KDELR2: variants seen among roughly 807,000 people sequenced by gnomAD.
The protein encoded by KDELR2 is KDEL endoplasmic reticulum protein retention receptor 2.
KDELR2 carries 15 observed loss-of-function variants against 23.9 expected under a neutral mutation model. That is an observed-to-expected ratio of 0.63 (90% CI 0.42 to 0.97). The LOEUF (loss-of-function observed/expected upper bound fraction) is 0.97. KDELR2 is among the 50% of genes least tolerant of loss of function. The pLI is 0.00. For synonymous variants in KDELR2, 119 were observed against 106.2 expected (o/e 1.12, Z -0.74); for missense variants, 272 against 254.6 (o/e 1.07, Z -0.46).
At chr7:6,482,592 G>GCAGA (rs1562504118) in intron 1 of KDELR2, 1 of 470,316 alleles carries the variant, frequency 2.1e-6, no homozygotes, top group African/African-American at 2.0e-5. Flanking sequence ...GGCGAGGCCT[G>GCAGA]CAGACAGCAG....
At chr7:6,468,666 C>G (rs1583316745) in intron 3 of KDELR2, among the ~76,000 whole-genome samples, 2 of 152,076 alleles carry the variant, frequency 1.3e-5, no homozygotes, top group South Asian at 4.2e-4. Flanking sequence ...CCACCACGCC[C>G]AGCTAGTTTT....
intron 3 of KDELR2, among the ~76,000 whole-genome samples, chr7:6,467,469 G>T (rs1007745705): frequency 6.6e-6 from 1 of 152,102 alleles, no homozygotes; most frequent in Non-Finnish European, 1.5e-5. Context: ...TATTTTAAAA[G>T]TCCAGGCATG....
At chr7:6,480,609 A>G (rs1226416813) in intron 1 of KDELR2, among the ~76,000 whole-genome samples, 1 of 152,188 alleles carries the variant, frequency 6.6e-6, no homozygotes, top group African/African-American at 2.4e-5. Flanking sequence ...CTTATGGGGT[A>G]AAAAGCACCA....
At chr7:6,479,010 G>C (rs1015116465) in intron 1 of KDELR2, among the ~76,000 whole-genome samples, 1 of 152,012 alleles carries the variant, frequency 6.6e-6, no homozygotes, top group Admixed American at 6.6e-5. Flanking sequence ...AGCTGGTCTT[G>C]AACTCCTGAC....
intron 3 of KDELR2, 81 bp from the exon 4 acceptor site, chr7:6,466,404 C>T: frequency 1.3e-6 from 2 of 1,541,238 alleles, no homozygotes; most frequent in Non-Finnish European, 1.8e-6. Context: ...TTCTTTACCA[C>T]AAAGCAGCCT....
At chr7:6,478,264 T>C (rs948361935) in intron 1 of KDELR2, among the ~76,000 whole-genome samples, 1 of 151,916 alleles carries the variant, frequency 6.6e-6, no homozygotes, top group African/African-American at 2.4e-5. Context: ...TCTCCCTCCT[T>C]AGCCACCTGA....
At chr7:6,472,337 G>A (rs79087570) in intron 2 of KDELR2, among the ~76,000 whole-genome samples, 1,696 of 152,244 alleles carry the variant, frequency 0.011, 36 homozygotes, top group African/African-American at 0.038. Context: ...AAGAACAGCT[G>A]CTTCTCTCCT....
intron 1 of KDELR2, among the ~76,000 whole-genome samples, 180 bp from the exon 2 acceptor site, chr7:6,474,464 C>T (rs1326688284): frequency 6.6e-6 from 1 of 152,148 alleles, no homozygotes; most frequent in East Asian, 1.9e-4. Flanking sequence ...CATTCCCAAA[C>T]ATGCTCCTTT....
chr7:6,472,207 C>T (rs1049146830), intron 2 of KDELR2, among the ~76,000 whole-genome samples: 20 of 152,328 alleles, frequency 1.3e-4, no homozygotes, highest in African/African-American at 4.6e-4. Flanking sequence ...GCCCCCTCAG[C>T]GCATCTAGCC....
At chr7:6,474,753 T>C (rs1349491703) in intron 1 of KDELR2, among the ~76,000 whole-genome samples, 1 of 152,202 alleles carries the variant, frequency 6.6e-6, no homozygotes, top group Non-Finnish European at 1.5e-5. Flanking sequence ...AGCCTTGACC[T>C]CCTGGGCTTC....
intron 1 of KDELR2, among the ~76,000 whole-genome samples, chr7:6,477,493 T>A (rs1461383866): frequency 6.6e-6 from 1 of 152,200 alleles, no homozygotes; most frequent in Non-Finnish European, 1.5e-5. Context: ...GGTTACCAGG[T>A]AATAAGATCT....
intron 4 of KDELR2, among the ~76,000 whole-genome samples, chr7:6,465,166 C>T (rs979912572): frequency 6.6e-6 from 1 of 150,728 alleles, no homozygotes; most frequent in African/African-American, 2.4e-5. Context: ...CATTTGGGTG[C>T]ATTTGCGTAA....
At chr7:6,465,404 C>T (rs187679252) in intron 4 of KDELR2, among the ~76,000 whole-genome samples, 96 of 151,044 alleles carry the variant, frequency 6.4e-4, no homozygotes, top group African/African-American at 2.1e-3. Flanking sequence ...AGGATGGTCT[C>T]GATCTCCTGA....
At chr7:6,463,208 A>G (rs1785426106) in intron 4 of KDELR2, 33 bp from the exon 5 acceptor site, 3 of 1,575,346 alleles carry the variant, frequency 1.9e-6, no homozygotes, top group Admixed American at 1.8e-5. Flanking sequence ...AGAAAACAAA[A>G]GGTTACTGAT....
chr7:6,469,303 T>C (rs1785575477), intron 3 of KDELR2, among the ~76,000 whole-genome samples: 1 of 152,062 alleles, frequency 6.6e-6, no homozygotes, highest in Non-Finnish European at 1.5e-5. Context: ...TCACCCAGGC[T>C]GGAGTACAAT....
intron 4 of KDELR2, among the ~76,000 whole-genome samples, chr7:6,463,601 G>A (rs781602651): frequency 1.8e-4 from 27 of 151,936 alleles, no homozygotes; most frequent in Non-Finnish European, 2.6e-4. Flanking sequence ...AGAACCAGGT[G>A]TGGTGGCATG....
chr7:6,468,037 G>A (rs371721375), intron 3 of KDELR2, among the ~76,000 whole-genome samples: 4 of 152,188 alleles, frequency 2.6e-5, no homozygotes, highest in African/African-American at 4.8e-5. Flanking sequence ...CTACAGGAGG[G>A]AGACCTTGTT....
At chr7:6,468,796 G>A (rs1048285139) in intron 3 of KDELR2, among the ~76,000 whole-genome samples, 6 of 151,988 alleles carry the variant, frequency 3.9e-5, no homozygotes, top group African/African-American at 9.7e-5. Flanking sequence ...GAGCCACTGC[G>A]CATGGCCAGT....
rs1288648185 is a variant in KDELR2 at position 6,462,866 on chromosome 7, C to G, written c.*275G>C. The G allele has an allele frequency of 9.8e-7, 1 of 1,023,378 alleles. No individual in the cohort carries two copies. Among genetic ancestry groups the G allele is most frequent in the Non-Finnish European group, 1.4e-6 (1 of 725,852 alleles). 63.4% of individuals were successfully genotyped at this position (1,023,378 alleles called of 1,614,324 possible). A position where few individuals can be genotyped will look rare whatever the true frequency, so the allele number is the denominator to read the frequency against. On this transcript the variant is annotated 3_prime_UTR_variant, in exon 5 of 5. Coordinates refer to ENST00000258739, the MANE Select transcript of KDELR2 (RefSeq NM_006854.4). ...CAAAATCTTCACTTTTGGAACTATC[C>G]CAATTGAAGCTACACACTGAATTTA... is the stretch of plus-strand genomic sequence containing the variant.
Sources: allele counts gnomAD v4.1 joint callset (sites outside exome capture counted in the v4.1 genomes callset), GRCh38; gene constraint gnomAD v4.1.1; transcripts MANE v1.5; gene names NCBI Gene and HGNC (gene_info 2026-07-23, HGNC 2026-07-21).